HS3ST4: variants seen among roughly 807,000 people sequenced by gnomAD.
HS3ST4 encodes heparan sulfate-glucosamine 3-sulfotransferase 4, also known as heparan sulfate glucosamine 3-O-sulfotransferase 4.
In HS3ST4, 17 loss-of-function variants were observed where a neutral mutation model predicts 29.2. The observed-to-expected ratio is 0.58, with a 90% CI of 0.40 to 0.87. The LOEUF (loss-of-function observed/expected upper bound fraction) is 0.87, where lower values mean the gene tolerates loss of function less well. Among genes scored for constraint, HS3ST4 ranks in the 40% least tolerant of loss-of-function variants. HS3ST4 has a pLI of 0.00. For synonymous variants in HS3ST4, 314 were observed against 285.7 expected (o/e 1.10, Z -1.00); for missense variants, 627 against 634.5 (o/e 0.99, Z 0.13).
intron 1 of HS3ST4, among the ~76,000 whole-genome samples, chr16:25,802,435 A>C (rs1966948378): frequency 6.6e-6 from 1 of 151,868 alleles, no homozygotes. Flanking sequence ...CTGTTGATCT[A>C]CCTCTGTTAT....
chr16:25,932,808 A>G (rs1179124941), intron 1 of HS3ST4, among the ~76,000 whole-genome samples: 1 of 152,202 alleles, frequency 6.6e-6, no homozygotes, highest in Non-Finnish European at 1.5e-5. Context: ...AGCAGCTCCT[A>G]AGTGGCAGAC....
At chr16:25,899,748 G>A (rs1968104574) in intron 1 of HS3ST4, among the ~76,000 whole-genome samples, 1 of 125,118 alleles carries the variant, frequency 8.0e-6, no homozygotes, top group African/African-American at 3.2e-5. Flanking sequence ...CTTCTAAAAA[G>A]GTGTTTTGCT....
chr16:25,729,252 A>C (rs183973046), intron 1 of HS3ST4, among the ~76,000 whole-genome samples: 45 of 152,298 alleles, frequency 3.0e-4, no homozygotes, highest in African/African-American at 1.1e-3. Context: ...AAAAGAAATG[A>C]GACACAGCGT....
chr16:25,821,873 C>T lies in HS3ST4; in HGVS notation c.734+128722C>T, dbSNP rs559936318. Among the ~76,000 whole-genome samples the T allele has an allele frequency of 2.0e-5, 3 of 152,272 alleles. No homozygotes were observed. In the East Asian group the frequency reaches 5.8e-4, roughly 29 times the overall value. On this transcript the variant is annotated intron_variant, in intron 1 of 1. Transcript: ENST00000331351. ...CAGTGACCTGAGGATCGTGCCACTACCCTCTAGCCAACTCCATCTCTTAAA... is the reference window on the plus strand; with the variant it reads ...CAGTGACCTGAGGATCGTGCCACTATCCTCTAGCCAACTCCATCTCTTAAA...
chr16:25,809,653 T>C (rs2141627775), intron 1 of HS3ST4, among the ~76,000 whole-genome samples: 1 of 152,308 alleles, frequency 6.6e-6, no homozygotes, highest in South Asian at 2.1e-4. Context: ...TTTTTTGGAA[T>C]GTTAAAATTA....
At chr16:26,061,909 T>C (rs945133667) in intron 1 of HS3ST4, among the ~76,000 whole-genome samples, 3 of 152,228 alleles carry the variant, frequency 2.0e-5, no homozygotes, top group African/African-American at 7.2e-5. Flanking sequence ...ATTTTTGTTT[T>C]TATTTTCTCC....
chr16:26,134,350 TTCTTTTCTTTTC>T (rs1484225586), intron 1 of HS3ST4, among the ~76,000 whole-genome samples: 2 of 114,996 alleles, frequency 1.7e-5, no homozygotes, highest in East Asian at 4.6e-4. Flanking sequence ...TTCTTTTCTT[TTCTTTTCTTTTC>T]TTTTTTTTTT....
chr16:25,717,480 G>A (rs181998577), intron 1 of HS3ST4, among the ~76,000 whole-genome samples: 44 of 151,020 alleles, frequency 2.9e-4, no homozygotes, highest in African/African-American at 1.0e-3. Context: ...CATTTGAGAT[G>A]AGATCTGAAG....
chr16:25,982,008 G>T (rs893933021), intron 1 of HS3ST4, among the ~76,000 whole-genome samples: 1 of 149,272 alleles, frequency 6.7e-6, no homozygotes, highest in African/African-American at 2.4e-5. Context: ...GCAGCAGCAT[G>T]TGTGTGTATA....
intron 1 of HS3ST4, among the ~76,000 whole-genome samples, chr16:26,093,064 A>G (rs1898876807): frequency 6.6e-6 from 1 of 152,172 alleles, no homozygotes; most frequent in Non-Finnish European, 1.5e-5. Context: ...CTGAGGCTTG[A>G]GTAGGTAAAC....
At chr16:26,129,650 T>C (rs1159482347) in intron 1 of HS3ST4, among the ~76,000 whole-genome samples, 1 of 152,208 alleles carries the variant, frequency 6.6e-6, no homozygotes, top group African/African-American at 2.4e-5. Flanking sequence ...GGTTTTCAAA[T>C]AATGAAATAG....
intron 1 of HS3ST4, among the ~76,000 whole-genome samples, chr16:25,738,825 C>G (rs541871544): frequency 2.0e-5 from 3 of 152,258 alleles, no homozygotes; most frequent in Admixed American, 6.5e-5. Context: ...CAGAACCATA[C>G]TCTCTGATTA....
At chr16:25,729,413 G>A (rs745944370) in intron 1 of HS3ST4, among the ~76,000 whole-genome samples, 1 of 152,192 alleles carries the variant, frequency 6.6e-6, no homozygotes, top group Non-Finnish European at 1.5e-5. Flanking sequence ...ATTTGGGACA[G>A]GCAGAAAGCA....
chr16:26,099,712 C>T (rs1308690597), intron 1 of HS3ST4, among the ~76,000 whole-genome samples: 1 of 152,090 alleles, frequency 6.6e-6, no homozygotes, highest in Admixed American at 6.5e-5. Flanking sequence ...GAGCAGTGAG[C>T]AGGGCAGATA....
chr16:25,752,542 ATTGCTGGCTTGGG>A (rs1966729214), intron 1 of HS3ST4, among the ~76,000 whole-genome samples: 1 of 152,248 alleles, frequency 6.6e-6, no homozygotes, highest in Non-Finnish European at 1.5e-5. Flanking sequence ...GCATTGCTGC[ATTGCTGGCTTGGG>A]AATTGTGCTG....
intron 1 of HS3ST4, among the ~76,000 whole-genome samples, chr16:25,875,198 C>T (rs181003943): frequency 5.7e-4 from 87 of 152,222 alleles, no homozygotes; most frequent in African/African-American, 1.9e-3. Flanking sequence ...ACTTTTCTAT[C>T]GTTTCAGCTT....
At chr16:25,746,289 T>TATTA (rs1966684663) in intron 1 of HS3ST4, among the ~76,000 whole-genome samples, 2 of 152,304 alleles carry the variant, frequency 1.3e-5, no homozygotes, top group African/African-American at 4.8e-5. Context: ...AGGTGATGGA[T>TATTA]CAGCCAGGGA....
intron 1 of HS3ST4, among the ~76,000 whole-genome samples, chr16:25,948,786 A>G (rs1210723374): frequency 1.3e-5 from 2 of 152,178 alleles, no homozygotes; most frequent in Non-Finnish European, 2.9e-5. Flanking sequence ...TATAGTGACA[A>G]AACCACTCTA....
intron 1 of HS3ST4, among the ~76,000 whole-genome samples, chr16:25,887,702 T>TTG (rs1555470810): frequency 8.4e-5 from 12 of 142,134 alleles, no homozygotes; most frequent in Admixed American, 3.5e-4. Flanking sequence ...TTTTTTTTTT[T>TTG]TTTTTTTTTT....
Sources: allele counts gnomAD v4.1 joint callset (sites outside exome capture counted in the v4.1 genomes callset), GRCh38; gene constraint gnomAD v4.1.1; transcripts MANE v1.5; gene names NCBI Gene and HGNC (gene_info 2026-07-23, HGNC 2026-07-21).